The following ADCYAP1R1 variants were observed in gnomAD, a reference collection of about 807,000 sequenced individuals.
ADCYAP1R1 encodes the protein pituitary adenylate cyclase-activating polypeptide type I receptor.
A neutral mutation model predicts 67.6 loss-of-function variants in ADCYAP1R1; 44 were observed. The ratio of observed to expected loss-of-function variants is 0.65; its 90% CI spans 0.51 to 0.84. The LOEUF is 0.84. Among genes scored for constraint, ADCYAP1R1 ranks in the 40% least tolerant of loss-of-function variants. ADCYAP1R1 has a pLI of 0.00. For missense variants in ADCYAP1R1, 477 were observed against 587.9 expected (o/e 0.81, Z 1.95); for synonymous variants, 222 against 219.6 (o/e 1.01, Z -0.10).
chr7:31,092,002 G>A (rs1354512380), intron 12 of ADCYAP1R1, among the ~76,000 whole-genome samples: 1 of 149,704 alleles, frequency 6.7e-6, no homozygotes, highest in African/African-American at 2.5e-5. Context: ...TTAGTTTTTG[G>A]CTCTTCATTT....
At chr7:31,083,056 T>G (rs1028501169) in intron 6 of ADCYAP1R1, among the ~76,000 whole-genome samples, 18 of 152,266 alleles carry the variant, frequency 1.2e-4, no homozygotes, top group South Asian at 6.2e-4. Context: ...GAGGGGAGGT[T>G]TCTGTCCAGC....
chr7:31,095,253 C>T lies in ADCYAP1R1; in HGVS notation c.1046+2518C>T, dbSNP rs189593138. ...AGGGAACTAGTTATCAGTGAAGTGACGTGAATCCAGGAGGAAGGAGGATGC... is the reference window on the plus strand; with the variant it reads ...AGGGAACTAGTTATCAGTGAAGTGATGTGAATCCAGGAGGAAGGAGGATGC... On this transcript the variant is annotated intron_variant, in intron 13 of 15. Transcript: ENST00000304166. Among the ~76,000 whole-genome samples the T allele has an allele frequency of 1.5e-4, 23 of 152,272 alleles. No homozygotes were observed. The East Asian group carries it at 4.1e-3, about 27-fold the overall frequency.
chr7:31,099,746 G>T (rs912896937), intron 13 of ADCYAP1R1, among the ~76,000 whole-genome samples: 1 of 152,236 alleles, frequency 6.6e-6, no homozygotes, highest in African/African-American at 2.4e-5. Flanking sequence ...CTCTCATCTT[G>T]TTGAGTGGGA....
At chr7:31,069,536 A>G (rs1485574871) in intron 3 of ADCYAP1R1, among the ~76,000 whole-genome samples, 1 of 152,204 alleles carries the variant, frequency 6.6e-6, no homozygotes, top group Non-Finnish European at 1.5e-5. Context: ...TTTTAAATCT[A>G]GTAATATGAG....
intron 9 of ADCYAP1R1, 68 bp downstream of exon 9, chr7:31,085,510 A>C: frequency 6.5e-7 from 1 of 1,533,762 alleles, no homozygotes; most frequent in Non-Finnish European, 8.8e-7. Flanking sequence ...TTGGTTCCCC[A>C]GGACGCACAT....
intron 3 of ADCYAP1R1, among the ~76,000 whole-genome samples, chr7:31,066,049 G>A (rs1157299329): frequency 7.1e-6 from 1 of 141,174 alleles, no homozygotes; most frequent in Non-Finnish European, 1.5e-5. Context: ...ACGTGGATTC[G>A]GGGCCCCACC....
chr7:31,092,526 A>G (rs947786095), intron 12 of ADCYAP1R1, 118 bp from the exon 13 acceptor site: 4 of 721,050 alleles, frequency 5.5e-6, no homozygotes, highest in African/African-American at 1.8e-5. Context: ...TCACACCGCC[A>G]TCTTGGATTA....
At chr7:31,064,443 C>T (rs1794645706) in intron 2 of ADCYAP1R1, among the ~76,000 whole-genome samples, 1 of 152,212 alleles carries the variant, frequency 6.6e-6, no homozygotes, top group African/African-American at 2.4e-5. Flanking sequence ...TAAGTTTCCA[C>T]ATCAGTAAAA....
intron 2 of ADCYAP1R1, among the ~76,000 whole-genome samples, chr7:31,064,271 A>G (rs972740110): frequency 6.6e-6 from 1 of 152,110 alleles, no homozygotes; most frequent in African/African-American, 2.4e-5. Flanking sequence ...AAGAGAGAAA[A>G]TGAGCTTTCT....
At chr7:31,067,189 G>A (rs1215648271) in intron 3 of ADCYAP1R1, among the ~76,000 whole-genome samples, 3 of 152,178 alleles carry the variant, frequency 2.0e-5, no homozygotes, top group Admixed American at 6.5e-5. Context: ...CCAGGTGGGA[G>A]AGGAGGCTGC....
At chr7:31,055,593 C>A (rs1033641819) in intron 1 of ADCYAP1R1, among the ~76,000 whole-genome samples, 9 of 152,180 alleles carry the variant, frequency 5.9e-5, no homozygotes, top group African/African-American at 2.2e-4. Flanking sequence ...AAATATGATT[C>A]TTTTAATTCT....
Position 31,084,206 on chromosome 7 carries a change from G to T in ADCYAP1R1, c.394G>T (p.Asp132Tyr). The change falls in exon 7 of 16, where the codon GAT becomes TAT. Residue 132 changes from aspartate to tyrosine, a missense_variant. By Grantham distance (160) the Asp-to-Tyr change is radical. Coordinates refer to ENST00000304166, the MANE Select transcript of ADCYAP1R1 (RefSeq NM_001118.5). ...GTCGGAACCCTTCCCTCATTACTTT[G>T]ATGCCTGTGGGTTTGATGAATATGA... ...GWSEPFPHYFDACGFDEYESE... is the reference protein window; with the variant it reads ...GWSEPFPHYFYACGFDEYESE... 1 of 1,614,158 alleles carries T rather than the reference G, an allele frequency of 6.2e-7. No individual in the cohort carries two copies. Among genetic ancestry groups the T allele is most frequent in the Middle Eastern group, 1.6e-4 (1 of 6,062 alleles).
chr7:31,080,678 T>C, intron 5 of ADCYAP1R1, 45 bp downstream of exon 5: 1 of 1,606,636 alleles, frequency 6.2e-7, no homozygotes, highest in Non-Finnish European at 8.5e-7. Context: ...TTTCTGTCCA[T>C]CCAGCAGGAG....
chr7:31,100,037 C>A, intron 13 of ADCYAP1R1: 3 of 1,292,494 alleles, frequency 2.3e-6, no homozygotes, highest in South Asian at 1.3e-5. Context: ...TGTCTCCATA[C>A]CCTCCTCTTT....
intron 8 of ADCYAP1R1, 32 bp from the exon 9 acceptor site, chr7:31,085,278 A>G (rs1036643082): frequency 8.7e-6 from 14 of 1,604,340 alleles, no homozygotes; most frequent in Admixed American, 1.7e-5. Flanking sequence ...GTGGGGTCCA[A>G]GGCTTCTTTC....
At chr7:31,087,898 T>C (rs778676067) in intron 12 of ADCYAP1R1, among the ~76,000 whole-genome samples, 10 of 152,354 alleles carry the variant, frequency 6.6e-5, no homozygotes, top group Middle Eastern at 3.4e-3. Flanking sequence ...TTTTCCTTAT[T>C]ACAAAAAATA....
rs1188247192 is a variant in ADCYAP1R1, at chr7:31,107,552, C to T, written c.*868C>T. The T allele has an allele frequency of 2.0e-5, 3 of 152,308 alleles. No individual in the cohort carries two copies. Among genetic ancestry groups the T allele is most frequent in the Non-Finnish European group, 4.4e-5 (3 of 68,118 alleles). The allele number at this position is 152,308 out of a possible 1,614,324, so 9.4% of individuals were successfully genotyped here. A position where few individuals can be genotyped will look rare whatever the true frequency, so the allele number is the denominator to read the frequency against. On this transcript the variant is annotated 3_prime_UTR_variant, in exon 16 of 16. Transcript: ENST00000304166. ...GTCATCTCCCTTCCACCTCTTCCAC[C>T]CTCATGGATGCCTTCCAGAAGCTGT...
chr7:31,101,474 T>C (rs60132846), intron 13 of ADCYAP1R1, among the ~76,000 whole-genome samples: 5,200 of 152,196 alleles, frequency 0.034, 193 homozygotes, highest in East Asian at 0.091. Context: ...TTTCCTGGGC[T>C]CCTTCAATAG....
At chr7:31,097,904 A>G (rs1796269190) in intron 13 of ADCYAP1R1, among the ~76,000 whole-genome samples, 1 of 152,060 alleles carries the variant, frequency 6.6e-6, no homozygotes, top group South Asian at 2.1e-4. Context: ...ACCAATTATT[A>G]TTATTTTTAA....
Sources: allele counts gnomAD v4.1 joint callset (sites outside exome capture counted in the v4.1 genomes callset), GRCh38; gene constraint gnomAD v4.1.1; transcripts MANE v1.5; gene names NCBI Gene and HGNC (gene_info 2026-07-23, HGNC 2026-07-21).